Variants in CUX1 observed in about 807,000 individuals in gnomAD.
CUX1 encodes the protein protein CASP.
Under a neutral mutation model 158.8 loss-of-function variants are expected in CUX1, and 31 were observed. The ratio of observed to expected loss-of-function variants is 0.20; its 90% CI spans 0.15 to 0.26. The LOEUF (loss-of-function observed/expected upper bound fraction) is 0.26. Among genes scored for constraint, CUX1 ranks in the 10% least tolerant of loss-of-function variants. CUX1 has a pLI of 1.00. For missense variants in CUX1, 1,589 were observed against 2,014.6 expected, an observed-to-expected ratio of 0.79 and a Z score of 4.04; for synonymous variants, 879 against 862.1, an observed-to-expected ratio of 1.02 and a Z score of -0.34.
chr7:102,270,006 C>T (rs550127533), intron 14 of CUX1, among the ~76,000 whole-genome samples: 6 of 152,342 alleles, frequency 3.9e-5, no homozygotes, highest in East Asian at 3.9e-4. Flanking sequence ...GGGCCAGGCC[C>T]GGGCCTCCCC....
intron 1 of CUX1, chr7:101,913,338 C>T: frequency 7.9e-7 from 1 of 1,265,170 alleles, no homozygotes; most frequent in Non-Finnish European, 1.0e-6. Context: ...CTGCATATGT[C>T]TGCGGGCACG....
chr7:102,049,279 G>A (rs983038793), intron 3 of CUX1, among the ~76,000 whole-genome samples: 3 of 152,234 alleles, frequency 2.0e-5, no homozygotes, highest in Non-Finnish European at 4.4e-5. Flanking sequence ...CATCCCTTCA[G>A]CAACAGCTGC....
At chr7:101,962,659 C>T (rs1428569728) in intron 2 of CUX1, among the ~76,000 whole-genome samples, 1 of 152,180 alleles carries the variant, frequency 6.6e-6, no homozygotes, top group Non-Finnish European at 1.5e-5. Flanking sequence ...TTAGAATCCT[C>T]AACTCCTCCC....
intron 18 of CUX1, among the ~76,000 whole-genome samples, chr7:102,204,097 A>C (rs576157058): frequency 1.3e-5 from 2 of 152,284 alleles, no homozygotes; most frequent in African/African-American, 4.8e-5. Flanking sequence ...CAGCCCTGCC[A>C]TCTTGGCAGG....
At chr7:102,073,951 C>T (rs1826423447) in intron 4 of CUX1, among the ~76,000 whole-genome samples, 3 of 152,144 alleles carry the variant, frequency 2.0e-5, no homozygotes, top group Admixed American at 2.0e-4. Flanking sequence ...TTTCACCCAC[C>T]GCTTCCCAGG....
At chr7:102,039,659 T>TC (rs1241521912) in intron 3 of CUX1, among the ~76,000 whole-genome samples, 2,669 of 137,028 alleles carry the variant, frequency 0.019, 84 homozygotes, top group African/African-American at 0.073. Flanking sequence ...TGTCTCTATT[T>TC]CAAAAAAAAA....
chr7:102,100,833 C>A (rs1334408627), intron 5 of CUX1, among the ~76,000 whole-genome samples: 1 of 152,038 alleles, frequency 6.6e-6, no homozygotes, highest in East Asian at 1.9e-4. Context: ...TGGTGTGAGT[C>A]CATTGTGTGT....
intron 1 of CUX1, among the ~76,000 whole-genome samples, chr7:101,820,410 A>T (rs1792333688): frequency 6.6e-6 from 1 of 152,260 alleles, no homozygotes; most frequent in Non-Finnish European, 1.5e-5. Context: ...AATTTCACAG[A>T]CAGGTATATC....
chr7:101,934,169 T>G (rs1457100579), intron 2 of CUX1, among the ~76,000 whole-genome samples: 1 of 152,232 alleles, frequency 6.6e-6, no homozygotes, highest in African/African-American at 2.4e-5. Flanking sequence ...AATTCAGAAT[T>G]CATCACACTG....
In CUX1 at chr7:102,255,079, C is replaced by T. The variant is rs1314734229; in HGVS notation, c.*6037C>T. On this transcript the variant is annotated 3_prime_UTR_variant, in exon 24 of 24. Transcript: ENST00000292535. ...CAAGCCCCAGCCCTACTCCCGGCCC[C>T]CCAGCCCAGTCTTCCCAATCCCAGA... The T allele has an allele frequency of 1.3e-5, 13 of 985,520 alleles. No individual in the cohort carries two copies. Among genetic ancestry groups the T allele is most frequent in the South Asian group, 4.7e-5 (1 of 21,280 alleles). 61.0% of individuals were successfully genotyped at this position (985,520 alleles called of 1,614,324 possible).
intron 17 of CUX1, among the ~76,000 whole-genome samples, chr7:102,277,671 T>G (rs1791704127): frequency 6.6e-6 from 1 of 152,136 alleles, no homozygotes. Flanking sequence ...TGTCATATAT[T>G]AAGGTTGATG....
At chr7:102,028,227 G>C in intron 3 of CUX1, 82 bp downstream of exon 3, 5 of 1,463,352 alleles carry the variant, frequency 3.4e-6, no homozygotes, top group Middle Eastern at 3.5e-4. Context: ...GAAATGCTCC[G>C]GGCAAAAGGT....
chr7:101,953,566 CCATCTT>C (rs1809372845), intron 2 of CUX1, among the ~76,000 whole-genome samples: 1 of 152,130 alleles, frequency 6.6e-6, no homozygotes, highest in Non-Finnish European at 1.5e-5. Context: ...AGTGGCCTCT[CCATCTT>C]CAGAGTTTCA....
chr7:102,173,576 C>T (rs1449810603), intron 10 of CUX1, among the ~76,000 whole-genome samples: 2 of 152,118 alleles, frequency 1.3e-5, no homozygotes. Context: ...ACAGGGTCAG[C>T]GGCTTCCCCT....
At chr7:102,171,663 G>A (rs1791732817) in intron 10 of CUX1, among the ~76,000 whole-genome samples, 1 of 152,068 alleles carries the variant, frequency 6.6e-6, no homozygotes, top group Non-Finnish European at 1.5e-5. Context: ...GCCCAGGCTG[G>A]TCTCAAACTC....
intron 1 of CUX1, among the ~76,000 whole-genome samples, chr7:101,899,479 G>A (rs1801909517): frequency 6.6e-6 from 1 of 152,162 alleles, no homozygotes; most frequent in African/African-American, 2.4e-5. Flanking sequence ...TTGAACCCAG[G>A]AGGCAGAGGT....
intron 8 of CUX1, among the ~76,000 whole-genome samples, chr7:102,144,897 G>A (rs1470178632): frequency 1.3e-5 from 2 of 151,672 alleles, no homozygotes; most frequent in Non-Finnish European, 2.9e-5. Flanking sequence ...AAAACAGCCT[G>A]GCTAACATGG....
intron 20 of CUX1, among the ~76,000 whole-genome samples, chr7:102,208,819 G>A (rs1421654766): frequency 6.6e-6 from 1 of 152,246 alleles, no homozygotes; most frequent in South Asian, 2.1e-4. Context: ...GCTCGCCGTG[G>A]TAGAACCAAT....
intron 6 of CUX1, among the ~76,000 whole-genome samples, chr7:102,108,736 T>TGTG (rs1830610289): frequency 4.8e-5 from 7 of 144,970 alleles, no homozygotes; most frequent in African/African-American, 1.8e-4. Context: ...TTCATTCATT[T>TGTG]TGTGTGTGTG....
Sources: gnomAD v4.1 joint callset for allele counts (sites outside exome capture counted in the v4.1 genomes callset) on GRCh38, gnomAD v4.1.1 for gene constraint, MANE v1.5 for transcripts, NCBI Gene and HGNC (gene_info 2026-07-23, HGNC 2026-07-21) for gene names.